NAALADL2: variants seen among roughly 807,000 people sequenced by gnomAD.
NAALADL2 encodes N-acetylated alpha-linked acidic dipeptidase like 2.
A neutral mutation model predicts 87.2 loss-of-function variants in NAALADL2; 76 were observed. That is an observed-to-expected ratio of 0.87 (90% CI 0.72 to 1.05). The LOEUF (loss-of-function observed/expected upper bound fraction) is 1.05. NAALADL2 is among the 50% of genes least tolerant of loss of function. The pLI is 0.00. For synonymous variants in NAALADL2, 354 were observed against 331.0 expected (o/e 1.07, Z -0.75); for missense variants, 1,089 against 945.8 (o/e 1.15, Z -1.99).
chr3:175,439,418 A>G (rs1213952047), intron 5 of NAALADL2, among the ~76,000 whole-genome samples: 1 of 151,996 alleles, frequency 6.6e-6, no homozygotes, highest in Non-Finnish European at 1.5e-5. Context: ...GAATCTCCAT[A>G]CTGTTTTCCA....
Position 175,802,997 on chromosome 3 carries a change from CT to C in NAALADL2, c.2190-4del. On this transcript the variant is annotated splice_region_variant and splice_polypyrimidine_tract_variant and intron_variant, in intron 13 of 13. Transcript: ENST00000454872. ...TGAAACATTTATACATTTTGTATTT[CT>C]TTTCAGAAACATCCTCTACCACCTT... 1 of 1,597,554 alleles carries C rather than the reference CT, an allele frequency of 6.3e-7. No individual in the cohort carries two copies. The highest frequency in any genetic ancestry group is 1.1e-5 in the South Asian group (1 of 90,370).
intron 5 of NAALADL2, among the ~76,000 whole-genome samples, chr3:175,429,190 C>CAG (rs1717321201): frequency 8.5e-6 from 1 of 117,688 alleles, no homozygotes. Flanking sequence ...CACACACACA[C>CAG]ACACACACAC....
chr3:175,623,355 G>A (rs1386942478), intron 10 of NAALADL2, among the ~76,000 whole-genome samples: 1 of 148,116 alleles, frequency 6.8e-6, no homozygotes, highest in African/African-American at 2.5e-5. Flanking sequence ...CTGAACAGAG[G>A]AGAAGGAAGA....
At chr3:175,472,930 A>C (rs1423952386) in intron 9 of NAALADL2, among the ~76,000 whole-genome samples, 1 of 152,112 alleles carries the variant, frequency 6.6e-6, no homozygotes, top group Non-Finnish European at 1.5e-5. Flanking sequence ...GAAATTTAAG[A>C]TATTTCTGAA....
At chr3:175,163,557 A>G (rs1019461743) in intron 2 of NAALADL2, among the ~76,000 whole-genome samples, 13 of 152,070 alleles carry the variant, frequency 8.5e-5, no homozygotes, top group Non-Finnish European at 1.6e-4. Flanking sequence ...TATTCTACCT[A>G]TGGAGAGTGT....
chr3:174,486,608 G>A (rs771720019), intron 1 of NAALADL2, among the ~76,000 whole-genome samples: 14 of 152,110 alleles, frequency 9.2e-5, no homozygotes, highest in Non-Finnish European at 1.2e-4. Context: ...TGCATGTGAT[G>A]TCACTTCTCT....
intron 13 of NAALADL2, among the ~76,000 whole-genome samples, chr3:175,778,421 G>GTGGTC (rs1316937778): frequency 2.0e-5 from 3 of 152,192 alleles, no homozygotes; most frequent in Non-Finnish European, 2.9e-5. Context: ...TCCTATAGAA[G>GTGGTC]TGGTCTCTCC....
At chr3:174,682,172 C>T (rs1049344503) in intron 2 of NAALADL2, among the ~76,000 whole-genome samples, 8 of 152,134 alleles carry the variant, frequency 5.3e-5, no homozygotes, top group Non-Finnish European at 8.8e-5. Context: ...GATACCAGCT[C>T]AGTCACAAAA....
At chr3:174,499,818 C>T (rs1271440188) in intron 1 of NAALADL2, among the ~76,000 whole-genome samples, 1 of 151,974 alleles carries the variant, frequency 6.6e-6, no homozygotes, top group African/African-American at 2.4e-5. Flanking sequence ...ACTTTCTTGA[C>T]TACAATAACT....
intron 3 of NAALADL2, among the ~76,000 whole-genome samples, chr3:174,747,358 C>A (rs535414665): frequency 1.3e-5 from 2 of 151,970 alleles, no homozygotes; most frequent in Non-Finnish European, 2.9e-5. Flanking sequence ...CAGAGAAATG[C>A]AAATCAATAC....
At chr3:175,430,731 G>A (rs1037131689) in intron 5 of NAALADL2, among the ~76,000 whole-genome samples, 8 of 151,940 alleles carry the variant, frequency 5.3e-5, no homozygotes, top group African/African-American at 1.9e-4. Context: ...ATCTATAAAT[G>A]TTTATTCTCA....
chr3:175,282,726 G>A (rs1439284177), intron 4 of NAALADL2, among the ~76,000 whole-genome samples: 1 of 152,002 alleles, frequency 6.6e-6, no homozygotes, highest in Non-Finnish European at 1.5e-5. Context: ...TAATGAAGGA[G>A]AACCTTCAGT....
intron 2 of NAALADL2, among the ~76,000 whole-genome samples, chr3:175,141,839 C>A (rs189061639): frequency 6.6e-6 from 1 of 152,032 alleles, no homozygotes; most frequent in African/African-American, 2.4e-5. Flanking sequence ...GGGACTTCAC[C>A]TTTTTATTCA....
chr3:175,347,218 C>T (rs1415357391), intron 5 of NAALADL2, among the ~76,000 whole-genome samples: 3 of 152,154 alleles, frequency 2.0e-5, no homozygotes, highest in South Asian at 2.1e-4. Flanking sequence ...CTCTCCCTTT[C>T]GTCAAGTGGT....
chr3:174,701,060 G>A (rs1188101829), intron 2 of NAALADL2, among the ~76,000 whole-genome samples: 1 of 151,486 alleles, frequency 6.6e-6, no homozygotes, highest in African/African-American at 2.4e-5. Flanking sequence ...AAAGAATTTG[G>A]ATTATATTTT....
chr3:175,564,605 T>C (rs1166526282), intron 9 of NAALADL2, among the ~76,000 whole-genome samples: 1 of 152,224 alleles, frequency 6.6e-6, no homozygotes, highest in Non-Finnish European at 1.5e-5. Flanking sequence ...TGAAGTTATG[T>C]TATGTCAGCC....
At chr3:175,601,057 T>C (rs1426525520) in intron 10 of NAALADL2, among the ~76,000 whole-genome samples, 1 of 152,172 alleles carries the variant, frequency 6.6e-6, no homozygotes, top group Non-Finnish European at 1.5e-5. Context: ...TTAAACAAAG[T>C]GGTTTTTTTC....
At chr3:174,839,534 A>G (rs1330163795) in intron 3 of NAALADL2, among the ~76,000 whole-genome samples, 1 of 152,206 alleles carries the variant, frequency 6.6e-6, no homozygotes, top group Non-Finnish European at 1.5e-5. Context: ...TGCCAAAAAG[A>G]ACAGTCAGCA....
chr3:174,577,965 C>A (rs530181204), intron 2 of NAALADL2, among the ~76,000 whole-genome samples: 1 of 151,450 alleles, frequency 6.6e-6, no homozygotes, highest in African/African-American at 2.4e-5. Flanking sequence ...ATTTTAGAAC[C>A]AGAAAGTACA....
Sources: gnomAD v4.1 joint callset for allele counts (sites outside exome capture counted in the v4.1 genomes callset) on GRCh38, gnomAD v4.1.1 for gene constraint, MANE v1.5 for transcripts, NCBI Gene and HGNC (gene_info 2026-07-23, HGNC 2026-07-21) for gene names.